Variants in COPZ1 observed in about 807,000 individuals in gnomAD.
COPZ1 encodes coatomer subunit zeta-1.
In COPZ1, 4 loss-of-function variants were observed where a neutral mutation model predicts 31.7. That is an observed-to-expected ratio of 0.13 (90% CI 0.06 to 0.29). COPZ1 has a LOEUF of 0.29. Among genes scored for constraint, COPZ1 ranks in the 10% least tolerant of loss-of-function variants. The pLI is 1.00. For missense variants in COPZ1, 156 were observed against 211.5 expected (o/e 0.74, Z 1.63); for synonymous variants, 74 against 79.0 (o/e 0.94, Z 0.33).
chr12:54,340,253 A>G, intron 1 of COPZ1: 1 of 465,292 alleles, frequency 2.1e-6, no homozygotes, highest in Non-Finnish European at 3.8e-6. Context: ...ACTGTACCAT[A>G]ATATTTGGAA....
intron 1 of COPZ1, among the ~76,000 whole-genome samples, chr12:54,329,540 A>G (rs1953715858): frequency 6.6e-6 from 1 of 152,174 alleles, no homozygotes; most frequent in Admixed American, 6.5e-5. Flanking sequence ...GCCGAGGGCC[A>G]TTGCACTCCA....
chr12:54,347,824 G>A lies in COPZ1; in HGVS notation c.375G>A (p.Val125=). 1 of 1,612,346 alleles carries A rather than the reference G, an allele frequency of 6.2e-7. No homozygotes were observed. The highest frequency in any genetic ancestry group is 8.5e-7 in the Non-Finnish European group (1 of 1,179,570). The change falls in exon 6 of 9, where the codon GTG becomes GTA. Residue 125 remains valine (V), a synonymous_variant. Coordinates refer to ENST00000262061, the MANE Select transcript of COPZ1 (RefSeq NM_016057.3). ...LENMEGLFLA[V]DEIVDGGVIL... ...ACATGGAGGGGCTGTTCTTGGCTGT[G>A]GATGAAATTGTAGATGGAGGGTAAG...
At chr12:54,343,364 C>A in intron 4 of COPZ1, 48 bp downstream of exon 4, 3 of 1,498,544 alleles carry the variant, frequency 2.0e-6, no homozygotes, top group South Asian at 1.1e-5. Context: ...ACTTTCTAAA[C>A]CACAGGCAGT....
intron 1 of COPZ1, among the ~76,000 whole-genome samples, chr12:54,336,105 C>T (rs893379086): frequency 1.3e-5 from 2 of 152,210 alleles, no homozygotes; most frequent in Admixed American, 6.5e-5. Flanking sequence ...ATCCTCTCTA[C>T]CTTCCCCAAA....
At chr12:54,345,401 T>C (rs2137109717) in intron 4 of COPZ1, 59 bp from the exon 5 acceptor site, 1 of 1,330,056 alleles carries the variant, frequency 7.5e-7, no homozygotes. Flanking sequence ...GTTTTGTTTT[T>C]AGGTAGCAGC....
intron 1 of COPZ1, among the ~76,000 whole-genome samples, chr12:54,338,314 C>A (rs1236062200): frequency 2.0e-5 from 3 of 152,132 alleles, no homozygotes; most frequent in African/African-American, 4.8e-5. Flanking sequence ...AATTGAGGAC[C>A]CAAGTTGTTA....
rs368238847 is a variant in COPZ1 at position 54,349,898 on chromosome 12, C to T, written c.486+240C>T. 67 of 603,204 alleles carry T rather than the reference C, an allele frequency of 1.1e-4. No individual in the cohort carries two copies. In the East Asian group the frequency reaches 1.3e-3, roughly 12 times the overall value. 37.4% of individuals were successfully genotyped at this position (603,204 alleles called of 1,614,324 possible). On this transcript the variant is annotated intron_variant, in intron 8 of 8. Coordinates refer to ENST00000262061, the MANE Select transcript of COPZ1 (RefSeq NM_016057.3). Reference sequence around the variant, plus strand: ...CAGCCTTGCTCTGTACCCTTCAAACCCTCCCTGCCTGCCTGATGCCTCATT... The same window carrying T: ...CAGCCTTGCTCTGTACCCTTCAAACTCTCCCTGCCTGCCTGATGCCTCATT...
chr12:54,325,654 T>C (rs1187738970), intron 1 of COPZ1: 1 of 161,968 alleles, frequency 6.2e-6, no homozygotes, highest in African/African-American at 2.4e-5. Context: ...TGTTTTGTCT[T>C]CGGTTTCCTG....
chr12:54,340,005 G>T (rs1953945874), intron 1 of COPZ1, among the ~76,000 whole-genome samples: 1 of 151,802 alleles, frequency 6.6e-6, no homozygotes, highest in Non-Finnish European at 1.5e-5. Context: ...GTGTGTGTGT[G>T]TGTGTGTGTG....
intron 1 of COPZ1, among the ~76,000 whole-genome samples, chr12:54,334,846 G>A (rs1355751030): frequency 1.3e-5 from 2 of 151,912 alleles, no homozygotes; most frequent in African/African-American, 4.8e-5. Flanking sequence ...GACAGGGTGA[G>A]ACTCCGTCTC....
rs778044721 is a variant in COPZ1 at position 54,343,217 on chromosome 12, CCCA to C, written c.170-4_170-2del. The C allele has an allele frequency of 6.2e-7, 1 of 1,611,248 alleles. No individual in the cohort carries two copies. Among genetic ancestry groups the C allele is most frequent in the South Asian group, 1.1e-5 (1 of 91,016 alleles). Reference sequence around the variant, plus strand: ...CACCCACTATTTTTACTTTTTTTCCCCCACCAGGTGAAATTGCCCTCTTGGAAG... The same window carrying C: ...CACCCACTATTTTTACTTTTTTTCCCCCAGGTGAAATTGCCCTCTTGGAAG... On this transcript the variant is annotated splice_region_variant and splice_polypyrimidine_tract_variant and intron_variant, in intron 3 of 8. Coordinates refer to ENST00000262061, the MANE Select transcript of COPZ1 (RefSeq NM_016057.3).
chr12:54,343,442 T>C, intron 4 of COPZ1, 126 bp downstream of exon 4: 3 of 745,466 alleles, frequency 4.0e-6, no homozygotes. Flanking sequence ...CTAATGAAGT[T>C]GTCAGAGATC....
chr12:54,351,155 T>C lies in COPZ1; in HGVS notation c.*632T>C, dbSNP rs1444111920. 1.9e-5 allele frequency: 3 copies of C among 154,460 alleles called. No homozygotes were observed. The highest frequency in any genetic ancestry group is 2.9e-5 in the Non-Finnish European group (2 of 69,460). The allele number at this position is 154,460 out of a possible 1,614,324, so 9.6% of individuals were successfully genotyped here. On this transcript the variant is annotated 3_prime_UTR_variant, in exon 9 of 9. Coordinates refer to ENST00000262061, the MANE Select transcript of COPZ1 (RefSeq NM_016057.3). ...GATTTAAATTGTATTGAACAGGGCA[T>C]ATAAAATGCATTCTGTACCCTGATC... is the stretch of plus-strand genomic sequence containing the variant.
intron 1 of COPZ1, among the ~76,000 whole-genome samples, chr12:54,333,852 T>A (rs767193553): frequency 6.6e-6 from 1 of 152,188 alleles, no homozygotes; most frequent in African/African-American, 2.4e-5. Context: ...CAATATTTGG[T>A]CTCATGTCAG....
In COPZ1 at chr12:54,345,473, C is replaced by A; in HGVS notation, c.275C>A (p.Ala92Asp). Residue 92 changes from alanine to aspartate, a missense_variant, in exon 5 of 9, where the codon GCT (alanine) becomes GAT (aspartate). Transcript: ENST00000262061. ...SSYENELMLMAVLNCLFDSLS... is the reference protein window; with the variant it reads ...SSYENELMLMDVLNCLFDSLS... ...GTTTCCCAACAGCTGATGCTTATGG[C>A]TGTTCTGAACTGTCTCTTCGACTCA... The A allele has an allele frequency of 6.2e-7, 1 of 1,613,396 alleles. No homozygotes were observed. Among genetic ancestry groups the A allele is most frequent in the Non-Finnish European group, 8.5e-7 (1 of 1,179,434 alleles).
chr12:54,327,128 G>A (rs1172261477), intron 1 of COPZ1, among the ~76,000 whole-genome samples: 1 of 150,232 alleles, frequency 6.7e-6, no homozygotes, highest in African/African-American at 2.5e-5. Context: ...TTACAGGCAC[G>A]CGCCACCATG....
chr12:54,328,816 A>G (rs755761867), intron 1 of COPZ1, among the ~76,000 whole-genome samples: 8 of 152,202 alleles, frequency 5.3e-5, no homozygotes, highest in Non-Finnish European at 1.2e-4. Flanking sequence ...TGATCAAAGC[A>G]TATTCTTCTG....
intron 1 of COPZ1, 22 bp downstream of exon 1, chr12:54,325,203 G>C (rs1489935789): frequency 1.3e-6 from 2 of 1,556,222 alleles, no homozygotes; most frequent in South Asian, 1.2e-5. Flanking sequence ...AGGGGCAGCA[G>C]AGATGCTGTG....
chr12:54,340,942 G>A (rs955001124), intron 2 of COPZ1, among the ~76,000 whole-genome samples: 12 of 152,064 alleles, frequency 7.9e-5, no homozygotes, highest in Non-Finnish European at 1.5e-4. Context: ...CTCATGATTC[G>A]CCCGCCTTGG....
Sources: gnomAD v4.1 joint callset for allele counts (sites outside exome capture counted in the v4.1 genomes callset) on GRCh38, gnomAD v4.1.1 for gene constraint, MANE v1.5 for transcripts, NCBI Gene and HGNC (gene_info 2026-07-23, HGNC 2026-07-21) for gene names.